ERC2: variants seen among roughly 807,000 people sequenced by gnomAD.
The protein encoded by ERC2 is ELKS/RAB6-interacting/CAST family member 2, also known as ERC protein 2.
A neutral mutation model predicts 114.8 loss-of-function variants in ERC2; 42 were observed. The observed-to-expected ratio is 0.37, with a 90% CI of 0.29 to 0.47. ERC2 has a LOEUF of 0.47. ERC2 is among the 20% of genes least tolerant of loss of function. The probability of loss-of-function intolerance (pLI) is 0.99; values close to 1 mark genes in which losing one functional copy is unlikely to be tolerated. For synonymous variants in ERC2, 454 were observed against 425.5 expected (o/e 1.07, Z -0.82); for missense variants, 939 against 1,150.7 (o/e 0.82, Z 2.66).
chr3:56,464,239 T>C (rs2063440243), intron 1 of ERC2, among the ~76,000 whole-genome samples: 2 of 152,252 alleles, frequency 1.3e-5, no homozygotes, highest in Non-Finnish European at 2.9e-5. Flanking sequence ...ACAAGTGTTG[T>C]CCAAAATAGT....
chr3:55,595,960 G>C (rs766232227), intron 17 of ERC2, among the ~76,000 whole-genome samples: 1 of 152,160 alleles, frequency 6.6e-6, no homozygotes, highest in Non-Finnish European at 1.5e-5. Flanking sequence ...CCCCATTAAA[G>C]ACCCAACCAC....
At chr3:56,187,447 T>C (rs977594828) in intron 3 of ERC2, among the ~76,000 whole-genome samples, 1 of 152,216 alleles carries the variant, frequency 6.6e-6, no homozygotes, top group Non-Finnish European at 1.5e-5. Flanking sequence ...TAGGACTCCA[T>C]TATTTTTGTT....
intron 2 of ERC2, among the ~76,000 whole-genome samples, chr3:56,321,589 G>C (rs1488362581): frequency 6.6e-6 from 1 of 152,176 alleles, no homozygotes; most frequent in Non-Finnish European, 1.5e-5. Flanking sequence ...ATATTTGATT[G>C]GTTACAGATA....
chr3:56,461,201 A>G (rs1198710328), intron 1 of ERC2, among the ~76,000 whole-genome samples: 1 of 152,206 alleles, frequency 6.6e-6, no homozygotes, highest in African/African-American at 2.4e-5. Flanking sequence ...GCCAGGCTTC[A>G]GGTTAATCCA....
chr3:56,377,350 T>C (rs1351543752), intron 2 of ERC2, among the ~76,000 whole-genome samples: 2 of 152,220 alleles, frequency 1.3e-5, no homozygotes, highest in East Asian at 1.9e-4. Flanking sequence ...GCAATGTCTA[T>C]AATGCAGAGA....
At chr3:55,877,825 C>T (rs575131668) in intron 14 of ERC2, among the ~76,000 whole-genome samples, 1 of 152,136 alleles carries the variant, frequency 6.6e-6, no homozygotes, top group Non-Finnish European at 1.5e-5. Flanking sequence ...ATGTGTGATT[C>T]CTCTGTACTC....
At chr3:56,107,660 C>T (rs2078743541) in intron 6 of ERC2, among the ~76,000 whole-genome samples, 1 of 152,142 alleles carries the variant, frequency 6.6e-6, no homozygotes, top group Non-Finnish European at 1.5e-5. Flanking sequence ...TTTCATTACA[C>T]CAAGACATTT....
At chr3:56,223,629 C>A (rs543807424) in intron 3 of ERC2, among the ~76,000 whole-genome samples, 72 of 152,006 alleles carry the variant, frequency 4.7e-4, no homozygotes, top group African/African-American at 1.7e-3. Flanking sequence ...TAACTCTCCC[C>A]TTTTTTAAAA....
At chr3:56,315,944 T>C (rs1396102366) in intron 2 of ERC2, among the ~76,000 whole-genome samples, 3 of 152,024 alleles carry the variant, frequency 2.0e-5, no homozygotes, top group African/African-American at 2.4e-5. Flanking sequence ...GAAAGAAGAA[T>C]TTAAATCGAA....
intron 3 of ERC2, among the ~76,000 whole-genome samples, chr3:56,194,676 T>C (rs950747815): frequency 6.6e-6 from 1 of 152,214 alleles, no homozygotes; most frequent in East Asian, 1.9e-4. Context: ...AATAAAGTAA[T>C]TGTGCTACAG....
At chr3:56,267,855 A>G (rs981238059) in intron 3 of ERC2, among the ~76,000 whole-genome samples, 1 of 152,204 alleles carries the variant, frequency 6.6e-6, no homozygotes, top group African/African-American at 2.4e-5. Context: ...GAATAAATCT[A>G]GAGATCTAAT....
chr3:56,331,101 G>A (rs944610486), intron 2 of ERC2, among the ~76,000 whole-genome samples: 1 of 152,152 alleles, frequency 6.6e-6, no homozygotes, highest in Non-Finnish European at 1.5e-5. Context: ...TTAGGCTCCT[G>A]TAGACCCTCT....
chr3:56,426,627 T>C (rs930827128), intron 2 of ERC2, among the ~76,000 whole-genome samples: 31 of 152,194 alleles, frequency 2.0e-4, no homozygotes, highest in African/African-American at 4.3e-4. Flanking sequence ...GGTTTAGTTG[T>C]ACATTTGGCA....
chr3:55,563,847 C>A (rs558131347), intron 17 of ERC2, among the ~76,000 whole-genome samples: 1 of 152,192 alleles, frequency 6.6e-6, no homozygotes, highest in East Asian at 1.9e-4. Flanking sequence ...CCTGCCTGGG[C>A]TCCTCAGTAA....
intron 3 of ERC2, among the ~76,000 whole-genome samples, chr3:56,289,744 G>C (rs2054960692): frequency 6.6e-6 from 1 of 152,192 alleles, no homozygotes; most frequent in African/African-American, 2.4e-5. Context: ...CCAGTTGTCA[G>C]CTCTCCTACC....
At chr3:56,170,595 T>TGTC (rs60302237) in intron 4 of ERC2, among the ~76,000 whole-genome samples, 21 of 132,258 alleles carry the variant, frequency 1.6e-4, no homozygotes, top group Non-Finnish European at 3.2e-5. Context: ...GTTTTTTTTT[T>TGTC]TTTTTTTTTT....
chr3:55,752,077 T>A (rs140890027), intron 14 of ERC2, among the ~76,000 whole-genome samples: 7 of 152,320 alleles, frequency 4.6e-5, no homozygotes, highest in African/African-American at 1.7e-4. Context: ...ATAACTTTGT[T>A]ACAACCTCCA....
In ERC2 at chr3:56,284,988, GTCTC is replaced by G. The variant is rs397873939; in HGVS notation, c.1074+11027_1074+11030del. Reference sequence around the variant, plus strand: ...TGTCTCTATCAATCTCAATCACTCTGTCTCTCTCTCTCTCTCTCTCTCTCACACA... The same window carrying G: ...TGTCTCTATCAATCTCAATCACTCTGTCTCTCTCTCTCTCTCTCTCACACA... On this transcript the variant is annotated intron_variant, in intron 3 of 17. Coordinates refer to ENST00000288221, the MANE Select transcript of ERC2 (RefSeq NM_015576.3). Among the ~76,000 whole-genome samples, 398 of 115,574 alleles carry G rather than the reference GTCTC, an allele frequency of 3.4e-3. 3 individuals carry two copies. The highest frequency in any genetic ancestry group is 3.6e-3 in the African/African-American group (106 of 29,742). 75.8% of individuals were successfully genotyped at this position (115,574 alleles called of 152,430 possible). A position where few individuals can be genotyped will look rare whatever the true frequency, so the allele number is the denominator to read the frequency against.
intron 2 of ERC2, among the ~76,000 whole-genome samples, chr3:56,296,747 G>T (rs534015138): frequency 2.0e-5 from 3 of 152,274 alleles, no homozygotes; most frequent in East Asian, 3.9e-4. Context: ...AATGGAAAAG[G>T]TTAGAAGGAA....
Sources: allele counts gnomAD v4.1 joint callset (sites outside exome capture counted in the v4.1 genomes callset), GRCh38; gene constraint gnomAD v4.1.1; transcripts MANE v1.5; gene names NCBI Gene and HGNC (gene_info 2026-07-23, HGNC 2026-07-21).